Variants in DIS3L2 observed in about 807,000 individuals in gnomAD.
The protein encoded by DIS3L2 is DIS3 like 3'-5' exoribonuclease 2.
Under a neutral mutation model 97.5 loss-of-function variants are expected in DIS3L2, and 34 were observed. That is an observed-to-expected ratio of 0.35 (90% confidence interval 0.27 to 0.46). DIS3L2 has a LOEUF of 0.46. Among genes scored for constraint, DIS3L2 ranks in the 20% least tolerant of loss-of-function variants. DIS3L2 has a pLI of 1.00. For missense variants in DIS3L2, 1,038 were observed against 1,146.0 expected, an observed-to-expected ratio of 0.91 and a Z score of 1.36; for synonymous variants, 435 against 445.2, an observed-to-expected ratio of 0.98 and a Z score of 0.29.
intron 9 of DIS3L2, among the ~76,000 whole-genome samples, chr2:232,171,521 C>A (rs1574924030): frequency 1.3e-5 from 2 of 152,120 alleles, no homozygotes; most frequent in Non-Finnish European, 2.9e-5. Context: ...CTGTGCCCCA[C>A]CATGGACCAC....
At chr2:231,964,631 A>T (rs983940605) in intron 1 of DIS3L2, among the ~76,000 whole-genome samples, 3 of 152,306 alleles carry the variant, frequency 2.0e-5, no homozygotes, top group South Asian at 2.1e-4. Flanking sequence ...CGTTTTTGGA[A>T]ATGACATTAT....
rs551043864 is a variant in DIS3L2, at chr2:232,161,863, C to T, written c.951-1596C>T. Among the ~76,000 whole-genome samples, 109 of 152,032 alleles carry T rather than the reference C, an allele frequency of 7.2e-4. 1 individual carries two copies. The highest frequency in any genetic ancestry group is 6.2e-4 in the Non-Finnish European group (42 of 67,996). On this transcript the variant is annotated intron_variant, in intron 8 of 20. Transcript: ENST00000325385. ...TCTCGGCTCACCGCAACCTCTGACT[C>T]TCTGGTTCAAGGGATTCTCCTGCTT...
rs140157394 is a variant in DIS3L2 at position 232,217,371 on chromosome 2, T to C, written c.1204+6966T>C. ...AACACAGAAGACTGCTATGACCAAA[T>C]ACTTGGGTGCTTTTTTGCCATACAC... On this transcript the variant is annotated intron_variant, in intron 10 of 20. Coordinates refer to ENST00000325385, the MANE Select transcript of DIS3L2 (RefSeq NM_152383.5). Among the ~76,000 whole-genome samples the C allele has an allele frequency of 6.1e-3, 935 of 152,320 alleles. 4 individuals carry two copies. Among genetic ancestry groups the C allele is most frequent in the Admixed American group, 0.012 (191 of 15,306 alleles).
At chr2:231,969,155 A>G (rs1295929145) in intron 1 of DIS3L2, among the ~76,000 whole-genome samples, 11 of 152,096 alleles carry the variant, frequency 7.2e-5, no homozygotes, top group African/African-American at 2.4e-4. Flanking sequence ...GGGTATTTCT[A>G]TCAGTGTGAG....
chr2:232,263,147 A>G, intron 12 of DIS3L2, 60 bp from the exon 13 acceptor site: 1 of 1,551,382 alleles, frequency 6.4e-7, no homozygotes, highest in Non-Finnish European at 8.9e-7. Flanking sequence ...TGGCTGAAGG[A>G]AGAAAAACCT....
intron 9 of DIS3L2, among the ~76,000 whole-genome samples, chr2:232,175,374 A>G (rs1051760665): frequency 3.3e-5 from 5 of 152,114 alleles, no homozygotes; most frequent in East Asian, 1.9e-4. Context: ...CACCCTTGTC[A>G]TGGTGTATAA....
chr2:232,001,671 C>T (rs1693913202), intron 1 of DIS3L2, among the ~76,000 whole-genome samples: 1 of 134,380 alleles, frequency 7.4e-6, no homozygotes, highest in Admixed American at 8.0e-5. Context: ...CATGTTTTTT[C>T]CCAGTGGTTT....
intron 8 of DIS3L2, among the ~76,000 whole-genome samples, chr2:232,138,279 A>G (rs1410545884): frequency 6.6e-6 from 1 of 152,174 alleles, no homozygotes. Context: ...AGGTCTTTGA[A>G]GCCTCAAGCA....
chr2:232,026,441 A>G (rs994676594), intron 4 of DIS3L2, among the ~76,000 whole-genome samples: 1 of 151,954 alleles, frequency 6.6e-6, no homozygotes, highest in Non-Finnish European at 1.5e-5. Context: ...GCATTCAGTG[A>G]GGGCCCTTTC....
rs67846645 is a variant in DIS3L2, at chr2:232,213,661, GTTT to G, written c.1204+3278_1204+3280del. ...TCTCGGTCTATTTATATCATCTGTAGTTTTTTTTTTTTTTTTTTTTTTTTAAGT... is the reference window on the plus strand; with the variant it reads ...TCTCGGTCTATTTATATCATCTGTAGTTTTTTTTTTTTTTTTTTTTTAAGT... On this transcript the variant is annotated intron_variant, in intron 10 of 20. Transcript: ENST00000325385. Among the ~76,000 whole-genome samples, 397 of 80,732 alleles carry G rather than the reference GTTT, an allele frequency of 4.9e-3. 1 individual carries two copies. Among genetic ancestry groups the G allele is most frequent in the Middle Eastern group, 0.012 (1 of 82 alleles). The allele number at this position is 80,732 out of a possible 152,430, so 53.0% of individuals were successfully genotyped here.
chr2:232,018,799 A>G (rs1169898763), intron 3 of DIS3L2, among the ~76,000 whole-genome samples: 1 of 152,078 alleles, frequency 6.6e-6, no homozygotes, highest in Non-Finnish European at 1.5e-5. Context: ...CTATGTGGGG[A>G]GGAGACCACA....
chr2:232,062,511 C>A (rs906337084), intron 5 of DIS3L2, among the ~76,000 whole-genome samples: 2 of 152,112 alleles, frequency 1.3e-5, no homozygotes, highest in Non-Finnish European at 2.9e-5. Flanking sequence ...CAAACTGCCC[C>A]TGATCTGACC....
intron 13 of DIS3L2, among the ~76,000 whole-genome samples, chr2:232,278,155 C>T (rs72998146): frequency 0.015 from 2,222 of 152,092 alleles, 20 homozygotes; most frequent in Non-Finnish European, 0.022. Flanking sequence ...TGCTTTGACT[C>T]GCATTTGTTT....
rs1239224347 is a variant in DIS3L2 at position 232,325,566 on chromosome 2, G to T, written c.1740-4247G>T. Reference sequence around the variant, plus strand: ...GCTGGGAGTGAGTGCCGAGGAGCTGGGGTCCTGGCCCTGCAGCCACTGTCA... The same window carrying T: ...GCTGGGAGTGAGTGCCGAGGAGCTGTGGTCCTGGCCCTGCAGCCACTGTCA... On this transcript the variant is annotated intron_variant, in intron 14 of 20. Coordinates refer to ENST00000325385, the MANE Select transcript of DIS3L2 (RefSeq NM_152383.5). This position sits in a 1 kb window ranked among gnomAD's most constrained non-coding sequence, Gnocchi z 4.6. Among the ~76,000 whole-genome samples, 3 of 152,192 alleles carry T rather than the reference G, an allele frequency of 2.0e-5. No homozygotes were observed. The highest frequency in any genetic ancestry group is 4.4e-5 in the Non-Finnish European group (3 of 68,028).
chr2:232,317,273 C>T (rs1695302666), intron 14 of DIS3L2, among the ~76,000 whole-genome samples: 2 of 152,034 alleles, frequency 1.3e-5, no homozygotes. Context: ...TGATCTGATT[C>T]CCTGTGCCCA....
intron 6 of DIS3L2, among the ~76,000 whole-genome samples, chr2:232,114,986 A>G (rs1697657879): frequency 6.6e-6 from 1 of 152,180 alleles, no homozygotes; most frequent in South Asian, 2.1e-4. Flanking sequence ...AGAGCATCAC[A>G]TGCAGAGGGA....
chr2:232,077,907 G>A (rs1431321090), intron 5 of DIS3L2, among the ~76,000 whole-genome samples: 1 of 151,536 alleles, frequency 6.6e-6, no homozygotes, highest in African/African-American at 2.4e-5. Flanking sequence ...GCCCTTTACT[G>A]TACTTTGTTA....
In DIS3L2 at chr2:232,281,954, G is replaced by A. The variant is rs749444139; in HGVS notation, c.1660-18086G>A. On this transcript the variant is annotated intron_variant, in intron 13 of 20. Coordinates refer to ENST00000325385, the MANE Select transcript of DIS3L2 (RefSeq NM_152383.5). The surrounding 1 kb of genome is among the most constrained non-coding windows in gnomAD (Gnocchi z 4.1). ...CTAGAAGCAATATGAAATCTAATTG[G>A]CAAGACCACGGTGAGCACACAGGCA... Among the ~76,000 whole-genome samples the A allele has an allele frequency of 6.6e-6, 1 of 151,618 alleles. No individual in the cohort carries two copies. Among genetic ancestry groups the A allele is most frequent in the Non-Finnish European group, 1.5e-5 (1 of 67,728 alleles).
intron 1 of DIS3L2, among the ~76,000 whole-genome samples, chr2:231,964,484 A>G (rs1367132666): frequency 5.3e-5 from 8 of 152,222 alleles, no homozygotes; most frequent in African/African-American, 1.7e-4. Flanking sequence ...AGAAGACACT[A>G]TGGCACTGGA....
Sources: gnomAD v4.1 joint callset for allele counts (sites outside exome capture counted in the v4.1 genomes callset) on GRCh38, gnomAD v4.1.1 for gene constraint, Gnocchi (gnomAD v3.1) non-coding constraint, MANE v1.5 for transcripts, NCBI Gene and HGNC (gene_info 2026-07-23, HGNC 2026-07-21) for gene names.